The following HCLS1 variants were observed in gnomAD, a reference collection of about 807,000 sequenced individuals.
The protein encoded by HCLS1 is hematopoietic lineage cell-specific protein.
HCLS1 carries 44 observed loss-of-function variants against 68.6 expected under a neutral mutation model. That is an observed-to-expected ratio of 0.64 (90% CI 0.50 to 0.82). HCLS1 has a LOEUF of 0.82. HCLS1 is among the 40% of genes least tolerant of loss of function. The pLI is 0.00. For missense variants in HCLS1, 602 were observed against 612.1 expected, an observed-to-expected ratio of 0.98 and a Z score of 0.17; for synonymous variants, 217 against 225.8, an observed-to-expected ratio of 0.96 and a Z score of 0.35.
At chr3:121,636,248 GCT>G (rs746451673) in intron 8 of HCLS1, among the ~76,000 whole-genome samples, 184 bp downstream of exon 8, 4 of 152,238 alleles carry the variant, frequency 2.6e-5, no homozygotes, top group Admixed American at 6.5e-5. Context: ...CAAAGCTCAG[GCT>G]TTGGCAGACA....
intron 3 of HCLS1, chr3:121,656,872 A>C (rs1937885123): frequency 6.4e-6 from 1 of 157,330 alleles, no homozygotes; most frequent in Non-Finnish European, 1.4e-5. Flanking sequence ...TGAATTCTAA[A>C]TACATATTTA....
In HCLS1 at chr3:121,632,149, C is replaced by CCCCAGA. The variant is rs751796699; in HGVS notation, c.1275_1276insTCTGGG (p.Gly425_Ala426insSerGly). On this transcript the variant is annotated inframe_insertion, in exon 13 of 14. Transcript: ENST00000314583. ...ACAGCTGAGATCCCCAGAGCCACAG[C>CCCCAGA]CCCAGCCCCAGCCCCAGCCGGGCAG... The CCCCAGA allele has an allele frequency of 1.2e-6, 2 of 1,603,840 alleles. No individual in the cohort carries two copies. The highest frequency in any genetic ancestry group is 2.7e-5 in the African/African-American group (2 of 74,822).
Position 121,632,565 on chromosome 3 carries a change from TGA to T in HCLS1, c.1009-4_1009-3del. On this transcript the variant is annotated splice_region_variant and splice_polypyrimidine_tract_variant and intron_variant, in intron 11 of 13. Coordinates refer to ENST00000314583, the MANE Select transcript of HCLS1 (RefSeq NM_005335.6). ...CAGAGCTGGGGGCTCCTCATTGTCC[TGA>T]GAAGAGACAGTGTGGAGCACTGTGA... 1 of 1,610,550 alleles carries T rather than the reference TGA, an allele frequency of 6.2e-7. No individual in the cohort carries two copies. Among genetic ancestry groups the T allele is most frequent in the South Asian group, 1.1e-5 (1 of 91,034 alleles).
intron 2 of HCLS1, chr3:121,658,060 A>G: frequency 1.8e-6 from 1 of 548,126 alleles, no homozygotes. Context: ...ACTCACCCAC[A>G]CCTGTCTCTT....
Position 121,634,218 on chromosome 3 carries a change from T to C in HCLS1, c.892A>G (p.Ile298Val). The C allele has an allele frequency of 6.2e-7, 1 of 1,613,974 alleles. No homozygotes were observed. The highest frequency in any genetic ancestry group is 8.5e-7 in the Non-Finnish European group (1 of 1,179,996). ...GGCCAGGCGCTCACCTCTGAGGAGA[T>C]TTTCTTGGGCAGTGGGGCCGGTACT... ...PAVPAPLPKKISSEAWPPVGT... is the reference protein window; with the variant it reads ...PAVPAPLPKKVSSEAWPPVGT... Residue 298 changes from isoleucine to valine, a missense_variant, in exon 10 of 14, where the codon ATC (isoleucine) becomes GTC (valine). Physicochemically the swap from Ile to Val is conservative, Grantham distance 29 (BLOSUM62 3). Transcript: ENST00000314583.
chr3:121,656,724 T>A (rs900598512), intron 3 of HCLS1, among the ~76,000 whole-genome samples: 1 of 152,232 alleles, frequency 6.6e-6, no homozygotes, highest in Non-Finnish European at 1.5e-5. Context: ...GTCAAATAGC[T>A]AAGTACAAAT....
At chr3:121,639,014 CA>C in intron 6 of HCLS1, among the ~76,000 whole-genome samples, 1 of 130,900 alleles carries the variant, frequency 7.6e-6, no homozygotes, top group Non-Finnish European at 1.7e-5. Context: ...GACTCCAACA[CA>C]CACACACACG....
Position 121,631,895 on chromosome 3 carries a change from T to C in HCLS1, c.1412A>G (p.His471Arg), listed in dbSNP as rs778899842. Reference sequence around the variant, plus strand: ...TGCAGGGAAGAGTCCAAAGTGGCCATGGCAACGTCCCCGCCACCAGCCCTC... The same window carrying C: ...TGCAGGGAAGAGTCCAAAGTGGCCACGGCAACGTCCCCGCCACCAGCCCTC... ...VDEGWWRGRCHGHFGLFPANY... is the reference protein window; with the variant it reads ...VDEGWWRGRCRGHFGLFPANY... The change falls in exon 14 of 14, where the codon CAT (histidine) becomes CGT (arginine). Residue 471 changes from histidine (H) to arginine (R), a missense_variant. His to Arg is a conservative substitution (Grantham distance 29, BLOSUM62 0). Coordinates refer to ENST00000314583, the MANE Select transcript of HCLS1 (RefSeq NM_005335.6). 5.6e-6 allele frequency: 9 copies of C among 1,614,196 alleles called. No individual in the cohort carries two copies. The Admixed American group carries it at 6.7e-5, about 12-fold the overall frequency.
intron 4 of HCLS1, among the ~76,000 whole-genome samples, chr3:121,646,168 ATAAT>A (rs2049245647): frequency 8.7e-6 from 1 of 114,620 alleles, no homozygotes; most frequent in African/African-American, 3.6e-5. Context: ...AATATATCTT[ATAAT>A]TAATATATAA....
rs2049100985 is a variant in HCLS1, at chr3:121,631,893, C to T, written c.1414G>A (p.Gly472Ser). The change falls in exon 14 of 14, where the codon GGC (glycine) becomes AGC (serine). Residue 472 changes from glycine (G) to serine (S), a missense_variant. Coordinates refer to ENST00000314583, the MANE Select transcript of HCLS1 (RefSeq NM_005335.6). ...TTTGCAGGGAAGAGTCCAAAGTGGC[C>T]ATGGCAACGTCCCCGCCACCAGCCC... is the stretch of plus-strand genomic sequence containing the variant. The part of the protein sequence containing the change: ...DEGWWRGRCH[G>S]HFGLFPANYV... The T allele has an allele frequency of 6.2e-7, 1 of 1,614,012 alleles. No homozygotes were observed.
In HCLS1 at chr3:121,634,464, G is replaced by A. The variant is rs377029672; in HGVS notation, c.692-46C>T. 17 of 1,574,170 alleles carry A rather than the reference G, an allele frequency of 1.1e-5. 1 individual carries two copies. The South Asian group carries it at 1.3e-4, about 12-fold the overall frequency. On this transcript the variant is annotated intron_variant, in intron 9 of 13. Transcript: ENST00000314583. ...AATTAGGGTTGTCTTGGATTGGAGA[G>A]TGGGGAAGGGCATGGCACTTGAAGG...
chr3:121,646,428 A>ATTATAT, intron 4 of HCLS1, among the ~76,000 whole-genome samples: 1 of 101,586 alleles, frequency 9.8e-6, no homozygotes, highest in African/African-American at 4.1e-5. Context: ...TATGTAATAT[A>ATTATAT]ATGTATTAAT....
intron 6 of HCLS1, among the ~76,000 whole-genome samples, chr3:121,639,010 AAC>A (rs56054727): frequency 0.65 from 96,244 of 149,202 alleles, 32,122 homozygotes; most frequent in Middle Eastern, 0.76. Flanking sequence ...GCAAGACTCC[AAC>A]ACACACACAC....
chr3:121,647,552 T>A, intron 3 of HCLS1, 104 bp from the exon 4 acceptor site: 1 of 1,225,584 alleles, frequency 8.2e-7, no homozygotes, highest in Non-Finnish European at 1.2e-6. Context: ...TTACTTTCAG[T>A]AATAACCTGG....
At chr3:121,636,304 C>T (rs1325505050) in intron 8 of HCLS1, 130 bp downstream of exon 8, 1 of 744,970 alleles carries the variant, frequency 1.3e-6, no homozygotes, top group African/African-American at 1.7e-5. Flanking sequence ...CTGCAGGACG[C>T]CAGCAGGACA....
intron 11 of HCLS1, 82 bp from the exon 12 acceptor site, chr3:121,632,645 C>T: frequency 2.4e-6 from 3 of 1,239,410 alleles, no homozygotes; most frequent in Non-Finnish European, 3.4e-6. Context: ...CCCCGCCCTT[C>T]ACCACCCTGC....
chr3:121,641,488 T>C (rs2049197675), intron 6 of HCLS1, among the ~76,000 whole-genome samples: 1 of 152,220 alleles, frequency 6.6e-6, no homozygotes, highest in African/African-American at 2.4e-5. Flanking sequence ...GTAAATACCT[T>C]GGTCAATTTA....
Position 121,631,940 on chromosome 3 carries a change from GTGA to G in HCLS1, c.1364_1366del (p.Ile455del). The G allele has an allele frequency of 6.2e-7, 1 of 1,614,250 alleles. No individual in the cohort carries two copies. Among genetic ancestry groups the G allele is most frequent in the African/African-American group, 1.3e-5 (1 of 75,068 alleles). On this transcript the variant is annotated inframe_deletion, in exon 14 of 14. Coordinates refer to ENST00000314583, the MANE Select transcript of HCLS1 (RefSeq NM_005335.6). Reference sequence around the variant, plus strand: ...GCCCTCGTCCACCATCTCAATGTCAGTGATTACGTCGTCCGGATCAAAGGAAAG... The same window carrying G: ...GCCCTCGTCCACCATCTCAATGTCAGTTACGTCGTCCGGATCAAAGGAAAG...
intron 9 of HCLS1, 61 bp downstream of exon 9, chr3:121,635,674 G>T: frequency 1.5e-6 from 2 of 1,322,858 alleles, no homozygotes; most frequent in Non-Finnish European, 2.2e-6. Context: ...ATAGTCTGGG[G>T]AAGAAAAAGA....
Sources: allele counts gnomAD v4.1 joint callset (sites outside exome capture counted in the v4.1 genomes callset), GRCh38; gene constraint gnomAD v4.1.1; transcripts MANE v1.5; gene names NCBI Gene and HGNC (gene_info 2026-07-23, HGNC 2026-07-21).